The following HTRA1 variants were observed in gnomAD, a reference collection of about 807,000 sequenced individuals.
The protein encoded by HTRA1 is serine protease HTRA1.
A neutral mutation model predicts 49.7 loss-of-function variants in HTRA1; 26 were observed. That is an observed-to-expected ratio of 0.52 (90% CI 0.38 to 0.73). The LOEUF is 0.73. Ranked by LOEUF, HTRA1 falls within the 30% of genes least tolerant of loss-of-function variation. The pLI is 0.00. For synonymous variants in HTRA1, 291 were observed against 286.9 expected (o/e 1.01, Z -0.14); for missense variants, 561 against 667.2 (o/e 0.84, Z 1.75).
chr10:122,508,355 C>T (rs574171154), intron 5 of HTRA1, among the ~76,000 whole-genome samples: 52 of 152,332 alleles, frequency 3.4e-4, no homozygotes, highest in African/African-American at 1.2e-3. Context: ...CCTTTGGAAA[C>T]GTATTCCTTG....
rs1199797516 is a variant in HTRA1 at position 122,494,673 on chromosome 10, G to C, written c.777+5047G>C. Among the ~76,000 whole-genome samples the C allele has an allele frequency of 1.3e-5, 2 of 151,774 alleles. No homozygotes were observed. Among genetic ancestry groups the C allele is most frequent in the Non-Finnish European group, 2.9e-5 (2 of 67,952 alleles). On this transcript the variant is annotated intron_variant, in intron 3 of 8. Coordinates refer to ENST00000368984, the MANE Select transcript of HTRA1 (RefSeq NM_002775.5). The surrounding 1 kb of genome is among the most constrained non-coding windows in gnomAD (Gnocchi z 4.0). ...CCCCCCCAACCCCACGGCCACCTTTGGGCCAGATGGCACCCACAGACCTGT... is the reference window on the plus strand; with the variant it reads ...CCCCCCCAACCCCACGGCCACCTTTCGGCCAGATGGCACCCACAGACCTGT...
chr10:122,502,619 C>T (rs1479428883), intron 3 of HTRA1, among the ~76,000 whole-genome samples: 1 of 152,176 alleles, frequency 6.6e-6, no homozygotes, highest in East Asian at 1.9e-4. Flanking sequence ...ATTGTGAGTC[C>T]CTGCAGGCTG....
intron 1 of HTRA1, among the ~76,000 whole-genome samples, chr10:122,469,990 A>G (rs2097485433): frequency 6.6e-6 from 1 of 152,100 alleles, no homozygotes; most frequent in South Asian, 2.1e-4. Context: ...TTTCTGGTCT[A>G]GAATGTGGTC....
intron 1 of HTRA1, among the ~76,000 whole-genome samples, chr10:122,481,147 C>T (rs2097490817): frequency 6.6e-6 from 1 of 152,044 alleles, no homozygotes; most frequent in Admixed American, 6.5e-5. Context: ...TATTTTTCTG[C>T]TACCCACACA....
chr10:122,509,971 G>A (rs572487100), intron 6 of HTRA1, 125 bp from the exon 7 acceptor site: 17 of 791,754 alleles, frequency 2.1e-5, no homozygotes, highest in African/African-American at 3.4e-5. Flanking sequence ...GATTTGAGCC[G>A]CAACCTCAGT....
intron 1 of HTRA1, among the ~76,000 whole-genome samples, chr10:122,472,914 G>A (rs972772057): frequency 8.5e-5 from 13 of 152,110 alleles, no homozygotes; most frequent in Admixed American, 7.2e-4. Context: ...GGTATAAATT[G>A]CCAAATTATT....
intron 3 of HTRA1, among the ~76,000 whole-genome samples, chr10:122,492,631 G>A (rs565814396): frequency 2.6e-5 from 4 of 152,316 alleles, no homozygotes; most frequent in African/African-American, 4.8e-5. Context: ...ATTGCGCGTG[G>A]CTGTAAACGT....
At chr10:122,475,580 C>T (rs1448775220) in intron 1 of HTRA1, among the ~76,000 whole-genome samples, 6 of 152,212 alleles carry the variant, frequency 3.9e-5, no homozygotes, top group African/African-American at 1.2e-4. Flanking sequence ...GTCTGAGGGC[C>T]GTTGGCCGTG....
chr10:122,497,982 A>G (rs894473414), intron 3 of HTRA1, among the ~76,000 whole-genome samples: 18 of 152,200 alleles, frequency 1.2e-4, no homozygotes, highest in African/African-American at 4.1e-4. Context: ...TCGGGCCCCC[A>G]TGTGGCACTG....
chr10:122,478,774 G>A (rs541212779), intron 1 of HTRA1, among the ~76,000 whole-genome samples: 1 of 152,202 alleles, frequency 6.6e-6, no homozygotes, highest in African/African-American at 2.4e-5. Flanking sequence ...TGGATTTGGG[G>A]TATTAAATCA....
chr10:122,473,392 C>T (rs1052701064), intron 1 of HTRA1, among the ~76,000 whole-genome samples: 13 of 152,174 alleles, frequency 8.5e-5, no homozygotes, highest in African/African-American at 2.9e-4. Flanking sequence ...CGGATGCCAG[C>T]TCTGTCCAGG....
rs1448398093 is a variant in HTRA1, at chr10:122,462,140, C to T, written c.472+16C>T. On this transcript the variant is annotated intron_variant, in intron 1 of 8. Transcript: ENST00000368984. ...TGCGGCCAAGGTACTCCGCCGCGCT[C>T]CTGGGCAGCTCCCCACTCTCTCCAT... The T allele has an allele frequency of 9.9e-6, 15 of 1,521,862 alleles. No individual in the cohort carries two copies. Among genetic ancestry groups the T allele is most frequent in the Non-Finnish European group, 1.1e-5 (13 of 1,135,826 alleles). 94.3% of individuals were successfully genotyped at this position (1,521,862 alleles called of 1,614,324 possible). A position where few individuals can be genotyped will look rare whatever the true frequency, so the allele number is the denominator to read the frequency against.
intron 3 of HTRA1, among the ~76,000 whole-genome samples, chr10:122,503,941 C>T (rs576676079): frequency 6.6e-6 from 1 of 152,328 alleles, no homozygotes; most frequent in Admixed American, 6.5e-5. Flanking sequence ...GCCACATTTC[C>T]TCGTCTGTGT....
Position 122,506,813 on chromosome 10 carries a change from C to A in HTRA1, c.900C>A (p.Thr300=). 3 of 1,613,874 alleles carry A rather than the reference C, an allele frequency of 1.9e-6. No individual in the cohort carries two copies. Among genetic ancestry groups the A allele is most frequent in the Non-Finnish European group, 2.5e-6 (3 of 1,180,008 alleles). The stretch of plus-strand genomic sequence containing the variant: ...TCACCACCGGGATCGTGAGCACCAC[C>A]CAGCGAGGCGGCAAAGAGCTGGGGC... The part of the protein sequence containing the change: ...NTVTTGIVST[T]QRGGKELGLR... Residue 300 remains threonine (T), a synonymous_variant, in exon 4 of 9, where the codon ACC becomes ACA. Transcript: ENST00000368984. This position sits in a 1 kb window ranked among gnomAD's most constrained non-coding sequence, Gnocchi z 5.2.
At position 122,490,582 on chromosome 10, in the gene HTRA1, A is replaced by G. The variant is rs1445400697; in HGVS notation, c.777+956A>G. ...TTTCTAGACTTCAGATGGAGGGAAC[A>G]ATCAGAGGAGGCTGGAATCCTGCCT... is the stretch of plus-strand genomic sequence containing the variant. On this transcript the variant is annotated intron_variant, in intron 3 of 8. Coordinates refer to ENST00000368984, the MANE Select transcript of HTRA1 (RefSeq NM_002775.5). This position sits in a 1 kb window ranked among gnomAD's most constrained non-coding sequence, Gnocchi z 4.2. Among the ~76,000 whole-genome samples the G allele has an allele frequency of 6.6e-6, 1 of 152,190 alleles. No homozygotes were observed. The highest frequency in any genetic ancestry group is 1.5e-5 in the Non-Finnish European group (1 of 68,046).
intron 1 of HTRA1, among the ~76,000 whole-genome samples, chr10:122,481,330 A>G (rs2097490886): frequency 6.6e-6 from 1 of 152,146 alleles, no homozygotes; most frequent in Non-Finnish European, 1.5e-5. Context: ...CAAAATGATT[A>G]TCCAGTTTTA....
intron 1 of HTRA1, among the ~76,000 whole-genome samples, chr10:122,483,669 G>A (rs558788564): frequency 2.5e-4 from 38 of 152,176 alleles, no homozygotes; most frequent in Non-Finnish European, 5.1e-4. Flanking sequence ...TAATTTGTGA[G>A]AAATTGATAG....
At chr10:122,499,296 C>T (rs572811784) in intron 3 of HTRA1, among the ~76,000 whole-genome samples, 2 of 152,270 alleles carry the variant, frequency 1.3e-5, no homozygotes, top group Admixed American at 1.3e-4. Context: ...CCAGTGTCTG[C>T]GCTCACTGTC....
chr10:122,506,838 C>T lies in HTRA1; in HGVS notation c.925C>T (p.Leu309Phe), dbSNP rs975329720. ...TTQRGGKELG[L>F]RNSDMDYIQT... ...CCAGCGAGGCGGCAAAGAGCTGGGG[C>T]TCCGCAACTCAGACATGGACTACAT... Residue 309 changes from leucine (L) to phenylalanine (F), a missense_variant, in exon 4 of 9, where the codon CTC becomes TTC. Leu to Phe is a conservative substitution (Grantham distance 22, BLOSUM62 0). This residue lies in a region of HTRA1 where 271 missense variants were observed against 410.0 expected (regional missense o/e 0.66). Transcript: ENST00000368984. This position sits in a 1 kb window ranked among gnomAD's most constrained non-coding sequence, Gnocchi z 5.2. 1 of 1,613,720 alleles carries T rather than the reference C, an allele frequency of 6.2e-7. No homozygotes were observed. Among genetic ancestry groups the T allele is most frequent in the African/African-American group, 1.3e-5 (1 of 74,900 alleles).
Sources: gnomAD v4.1 joint callset for allele counts (sites outside exome capture counted in the v4.1 genomes callset) on GRCh38, gnomAD v4.1.1 for gene constraint, gnomAD v4.1.1 regional missense constraint, Gnocchi (gnomAD v3.1) non-coding constraint, MANE v1.5 for transcripts, NCBI Gene and HGNC (gene_info 2026-07-23, HGNC 2026-07-21) for gene names.